Variants in DNMT1 observed in about 807,000 individuals in gnomAD.
DNMT1 encodes DNA (cytosine-5)-methyltransferase 1.
DNMT1 carries 24 observed loss-of-function variants against 205.3 expected under a neutral mutation model. That is an observed-to-expected ratio of 0.12 (90% CI 0.08 to 0.16). DNMT1 has a LOEUF of 0.16. DNMT1 is among the 10% of genes least tolerant of loss of function. DNMT1 has a pLI of 1.00. For missense variants in DNMT1, 1,293 were observed against 2,177.7 expected (o/e 0.59, Z 8.09); for synonymous variants, 817 against 839.8 (o/e 0.97, Z 0.47).
chr19:10,194,774 G>A, intron 1 of DNMT1, 46 bp downstream of exon 1: 1 of 1,572,014 alleles, frequency 6.4e-7, no homozygotes, highest in Non-Finnish European at 8.6e-7. Context: ...CCCACCCAGC[G>A]CCCTGCCTGT....
chr19:10,184,007 T>G (rs1012553377), intron 1 of DNMT1, among the ~76,000 whole-genome samples: 1 of 152,160 alleles, frequency 6.6e-6, no homozygotes, highest in Non-Finnish European at 1.5e-5. Flanking sequence ...TGAGCCGTGA[T>G]TGCATCACTG....
chr19:10,189,409 C>T (rs2039258207), intron 1 of DNMT1, among the ~76,000 whole-genome samples: 1 of 150,494 alleles, frequency 6.6e-6, no homozygotes, highest in Non-Finnish European at 1.5e-5. Context: ...GCGTGAGCCA[C>T]CACGCCCAGC....
At chr19:10,182,826 C>T (rs1338258080) in intron 1 of DNMT1, among the ~76,000 whole-genome samples, 1 of 150,834 alleles carries the variant, frequency 6.6e-6, no homozygotes, top group Non-Finnish European at 1.5e-5. Flanking sequence ...CCACCAGCCT[C>T]GTTAATTTTT....
In DNMT1 at chr19:10,149,822, G is replaced by A. The variant is rs2145294664; in HGVS notation, c.2381+31C>T. 1.9e-6 allele frequency: 3 copies of A among 1,611,566 alleles called. No homozygotes were observed. The South Asian group carries it at 3.3e-5, about 18-fold the overall frequency. ...TCTCCTACTTGATGAGAAAGTGCAT[G>A]CAGAAGTCAAGCAAAAAGAAAGATG... On this transcript the variant is annotated intron_variant, in intron 25 of 40. Transcript: ENST00000359526.
At chr19:10,136,967 G>C (rs2089495886) in intron 37 of DNMT1, 118 bp downstream of exon 37, 5 of 1,371,966 alleles carry the variant, frequency 3.6e-6, no homozygotes, top group Non-Finnish European at 3.0e-6. Context: ...CCTTCTCTGG[G>C]ACACCCAGGC....
intron 8 of DNMT1, 81 bp from the exon 9 acceptor site, chr19:10,173,255 TC>T (rs1568248579): frequency 7.1e-7 from 1 of 1,410,876 alleles, no homozygotes. Context: ...AGCTCCTCTT[TC>T]CCCCAAAAGC....
Position 10,155,078 on chromosome 19 carries a change from T to G in DNMT1, c.1493-22A>C, listed in dbSNP as rs543183641. On this transcript the variant is annotated intron_variant, in intron 19 of 40. Coordinates refer to ENST00000359526, the MANE Select transcript of DNMT1 (RefSeq NM_001130823.3). ...AATGCTGGGGTGAACAGAGGAGGTG[T>G]GGAAAAGGGGCTGGAATCTGATGGC... is the stretch of plus-strand genomic sequence containing the variant. 4 of 1,613,472 alleles carry G rather than the reference T, an allele frequency of 2.5e-6. No individual in the cohort carries two copies. The African/African-American group carries it at 5.3e-5, about 22-fold the overall frequency.
intron 9 of DNMT1, among the ~76,000 whole-genome samples, chr19:10,170,316 C>T (rs1383759432): frequency 6.6e-6 from 1 of 151,928 alleles, no homozygotes; most frequent in East Asian, 1.9e-4. Flanking sequence ...GCAAGAAAGA[C>T]CAACCTCAAG....
rs1186008456 is a variant in DNMT1, at chr19:10,140,806, C to A, written c.3498G>T (p.Gly1166=). The A allele has an allele frequency of 2.5e-6, 4 of 1,613,944 alleles. No homozygotes were observed. In the African/African-American group the frequency reaches 5.3e-5, roughly 22 times the overall value. ...CTGCTTGGTGGAATCCCTCCGACAA[C>A]CCCCCGCAGCCAGAAAACACATCCA... ...RTLDVFSGCG[G]LSEGFHQAGI... Residue 1166 remains glycine, a synonymous_variant, in exon 32 of 41, where the codon GGG becomes GGT. Coordinates refer to ENST00000359526, the MANE Select transcript of DNMT1 (RefSeq NM_001130823.3). This position sits in a 1 kb window ranked among gnomAD's most constrained non-coding sequence, Gnocchi z 8.4.
At chr19:10,135,633 G>T in intron 39 of DNMT1, 103 bp downstream of exon 39, 1 of 1,247,314 alleles carries the variant, frequency 8.0e-7, no homozygotes, top group Non-Finnish European at 1.1e-6. Context: ...CCGGCAGCCA[G>T]CAGGCGTCCT....
At chr19:10,186,468 G>A (rs2039184738) in intron 1 of DNMT1, among the ~76,000 whole-genome samples, 1 of 152,036 alleles carries the variant, frequency 6.6e-6, no homozygotes, top group Admixed American at 6.6e-5. Context: ...CCGGCTTAGT[G>A]CCCAGCCTGA....
intron 1 of DNMT1, among the ~76,000 whole-genome samples, chr19:10,183,017 A>ATATATATGTG (rs1491471572): frequency 6.7e-6 from 1 of 150,346 alleles, no homozygotes; most frequent in Non-Finnish European, 1.5e-5. Flanking sequence ...GTATATATAC[A>ATATATATGTG]TATATATGTG....
chr19:10,187,573 G>A (rs531142387), intron 1 of DNMT1, among the ~76,000 whole-genome samples: 10 of 137,222 alleles, frequency 7.3e-5, no homozygotes, highest in African/African-American at 2.8e-4. Flanking sequence ...CTGTCTCTAC[G>A]AGAAAACAGT....
Position 10,138,631 on chromosome 19 carries a change from C to G in DNMT1, c.3949-26G>C. On this transcript the variant is annotated intron_variant, in intron 34 of 40. Coordinates refer to ENST00000359526, the MANE Select transcript of DNMT1 (RefSeq NM_001130823.3). The surrounding 1 kb of genome is among the most constrained non-coding windows in gnomAD (Gnocchi z 4.1). ...CTGTGGGGGAGAAGGACGGACAACC[C>G]CACCGTCAGTGGGACACTCCCAACT... 6.3e-7 allele frequency: 1 copy of G among 1,595,250 alleles called. No individual in the cohort carries two copies. Among genetic ancestry groups the G allele is most frequent in the South Asian group, 1.1e-5 (1 of 90,574 alleles).
intron 31 of DNMT1, 84 bp downstream of exon 31, chr19:10,141,021 G>A: frequency 5.0e-6 from 8 of 1,612,668 alleles, no homozygotes; most frequent in South Asian, 4.4e-5. Context: ...AGTAACACCA[G>A]AGGTGGTTTT....
At position 10,143,866 on chromosome 19, in the gene DNMT1, G is replaced by A. The variant is rs2145276120; in HGVS notation, c.3016C>T (p.Pro1006Ser). ...TCTTTGATCCGGCCAATTCGGTAGGGCTCAGGGGCATCCAGGTTGCTGCCT... is the reference window on the plus strand; with the variant it reads ...TCTTTGATCCGGCCAATTCGGTAGGACTCAGGGGCATCCAGGTTGCTGCCT... ...IKGSNLDAPE[P>S]YRIGRIKEIF... is the part of the protein sequence containing the mutation. The change falls in exon 29 of 41, where the codon CCC becomes TCC. Residue 1006 changes from proline (P) to serine (S), a missense_variant. Around this residue, in one of 13 missense-constraint regions of DNMT1, gnomAD observed 167 missense variants for 258.1 expected, o/e 0.65. Coordinates refer to ENST00000359526, the MANE Select transcript of DNMT1 (RefSeq NM_001130823.3). 6.2e-7 allele frequency: 1 copy of A among 1,614,178 alleles called. No homozygotes were observed. The highest frequency in any genetic ancestry group is 8.5e-7 in the Non-Finnish European group (1 of 1,180,040).
chr19:10,162,964 C>CTTT (rs397859775), intron 12 of DNMT1: 104 of 352,958 alleles, frequency 2.9e-4, no homozygotes, highest in South Asian at 5.1e-4. Context: ...CTAGAACAGG[C>CTTT]TTTTTTTTTT....
chr19:10,164,828 T>G (rs2038650157), intron 11 of DNMT1, among the ~76,000 whole-genome samples: 1 of 143,000 alleles, frequency 7.0e-6, no homozygotes, highest in African/African-American at 2.6e-5. Flanking sequence ...CTCAGGAGGC[T>G]GAGACAGGAG....
Position 10,172,548 on chromosome 19 carries a change from G to A in DNMT1, c.768+542C>T, listed in dbSNP as rs116275896. ...GTTGATTAAGTGGCATAGGTTGGCCGGTGTGGTGGCTCATGCCTGTAATCC... is the reference window on the plus strand; with the variant it reads ...GTTGATTAAGTGGCATAGGTTGGCCAGTGTGGTGGCTCATGCCTGTAATCC... On this transcript the variant is annotated intron_variant, in intron 9 of 40. Coordinates refer to ENST00000359526, the MANE Select transcript of DNMT1 (RefSeq NM_001130823.3). 2.7e-3 allele frequency among the ~76,000 whole-genome samples: 410 copies of A among 152,210 alleles called. 3 individuals carry two copies. The highest frequency in any genetic ancestry group is 9.0e-3 in the African/African-American group (374 of 41,530).
Sources: allele counts gnomAD v4.1 joint callset (sites outside exome capture counted in the v4.1 genomes callset), GRCh38; gene constraint gnomAD v4.1.1; regional missense constraint gnomAD v4.1.1; non-coding constraint Gnocchi (gnomAD v3.1); transcripts MANE v1.5; gene names NCBI Gene and HGNC (gene_info 2026-07-23, HGNC 2026-07-21).